PRDM16: variants seen among roughly 807,000 people sequenced by gnomAD.
PRDM16 encodes PR/SET domain 16.
In PRDM16, 23 loss-of-function variants were observed where a neutral mutation model predicts 110.6. The ratio of observed to expected loss-of-function variants is 0.21; its 90% confidence interval spans 0.15 to 0.29. PRDM16 has a LOEUF of 0.29. Ranked by LOEUF, PRDM16 falls within the 10% of genes least tolerant of loss-of-function variation. The pLI, the probability that PRDM16 is intolerant of heterozygous loss-of-function variation, is 1.00. For missense variants in PRDM16, 1,615 were observed against 1,794.3 expected (o/e 0.90, Z 1.81); for synonymous variants, 799 against 781.8 (o/e 1.02, Z -0.37).
intron 1 of PRDM16, among the ~76,000 whole-genome samples, chr1:3,099,730 G>A (rs1570247733): frequency 1.3e-5 from 2 of 152,220 alleles, no homozygotes; most frequent in Admixed American, 6.5e-5. Context: ...CCACCAGGCC[G>A]CCATGGCAGG....
At chr1:3,294,334 A>G (rs1173377605) in intron 3 of PRDM16, among the ~76,000 whole-genome samples, 1 of 152,106 alleles carries the variant, frequency 6.6e-6, no homozygotes, top group Admixed American at 6.5e-5. Context: ...GAGAAAACAG[A>G]TTGAGCCCTT....
intron 14 of PRDM16, among the ~76,000 whole-genome samples, chr1:3,428,105 T>C: frequency 6.6e-6 from 1 of 152,172 alleles, no homozygotes; most frequent in South Asian, 2.1e-4. Flanking sequence ...ACCAGGAGCG[T>C]GTGCGGAGGC....
chr1:3,172,398 C>T (rs930405016), intron 1 of PRDM16, among the ~76,000 whole-genome samples: 2 of 152,168 alleles, frequency 1.3e-5, no homozygotes, highest in African/African-American at 4.8e-5. Context: ...GGCAGTGGGG[C>T]TGCTGACAGG....
At chr1:3,238,786 G>A (rs1639596810) in intron 2 of PRDM16, among the ~76,000 whole-genome samples, 1 of 152,232 alleles carries the variant, frequency 6.6e-6, no homozygotes, top group Admixed American at 6.5e-5. Context: ...TTCCTGCCGA[G>A]GCATCCACCC....
chr1:3,273,948 C>G (rs997896504), intron 3 of PRDM16, among the ~76,000 whole-genome samples: 8 of 128,046 alleles, frequency 6.2e-5, no homozygotes, highest in Non-Finnish European at 9.6e-5. Context: ...AGGCACCGTT[C>G]TCTCACCGTG....
intron 1 of PRDM16, among the ~76,000 whole-genome samples, chr1:3,105,379 C>T (rs1053321807): frequency 6.6e-6 from 1 of 152,208 alleles, no homozygotes; most frequent in Admixed American, 6.5e-5. Context: ...AGATGGAAGG[C>T]GCTGTGCATG....
chr1:3,160,640 C>A (rs1431522479), intron 1 of PRDM16, among the ~76,000 whole-genome samples: 1 of 152,190 alleles, frequency 6.6e-6, no homozygotes. Flanking sequence ...GGGTGAGAAG[C>A]GCCATCTGGG....
At chr1:3,123,682 C>T (rs1643144233) in intron 1 of PRDM16, among the ~76,000 whole-genome samples, 1 of 152,240 alleles carries the variant, frequency 6.6e-6, no homozygotes, top group Admixed American at 6.5e-5. Context: ...AAGCTGGACT[C>T]AGGAGATGCG....
At chr1:3,343,751 C>T (rs1460142731) in intron 3 of PRDM16, among the ~76,000 whole-genome samples, 1 of 152,112 alleles carries the variant, frequency 6.6e-6, no homozygotes, top group Non-Finnish European at 1.5e-5. Context: ...CGCCATTCTC[C>T]TGCCTCAGCC....
rs1005570649 is a variant in PRDM16 at position 3,190,988 on chromosome 1, C to T, written c.387+4514C>T. ...AGCTTGGGGCCTGCTGGGGCGGGAT[C>T]CCGCAGGACCCCCAGGGGAGGCACT... is the stretch of plus-strand genomic sequence containing the variant. On this transcript the variant is annotated intron_variant, in intron 2 of 16. Coordinates refer to ENST00000270722, the MANE Select transcript of PRDM16 (RefSeq NM_022114.4). This position sits in a 1 kb window ranked among gnomAD's most constrained non-coding sequence, Gnocchi z 5.0. Among the ~76,000 whole-genome samples the T allele has an allele frequency of 1.3e-5, 2 of 152,074 alleles. No individual in the cohort carries two copies. The highest frequency in any genetic ancestry group is 4.8e-5 in the African/African-American group (2 of 41,422).
chr1:3,093,470 G>A (rs1642322438), intron 1 of PRDM16, among the ~76,000 whole-genome samples: 1 of 152,204 alleles, frequency 6.6e-6, no homozygotes, highest in Non-Finnish European at 1.5e-5. Context: ...TCCAGACTTT[G>A]GGGGCCCTGG....
At chr1:3,394,370 A>G in intron 4 of PRDM16, 1 of 410,406 alleles carries the variant, frequency 2.4e-6, no homozygotes, top group South Asian at 1.7e-5. Flanking sequence ...AGGGCCGCCC[A>G]GCCCCCGTCC....
intron 3 of PRDM16, among the ~76,000 whole-genome samples, chr1:3,335,476 C>T (rs1253871441): frequency 1.3e-5 from 2 of 152,110 alleles, no homozygotes; most frequent in African/African-American, 2.4e-5. Context: ...AAAGCGTGCT[C>T]AACAGGATTC....
intron 3 of PRDM16, among the ~76,000 whole-genome samples, chr1:3,305,164 A>C (rs144765930): frequency 1.7e-3 from 259 of 152,330 alleles, no homozygotes; most frequent in Non-Finnish European, 3.5e-3. Flanking sequence ...AGCAGCAGTG[A>C]AATGATGTGG....
rs532802855 is a variant in PRDM16 at position 3,316,739 on chromosome 1, G to C, written c.439-68413G>C. Among the ~76,000 whole-genome samples the C allele has an allele frequency of 5.6e-5, 8 of 142,664 alleles. No individual in the cohort carries two copies. The East Asian group carries it at 9.6e-4, about 17-fold the overall frequency. The allele number at this position is 142,664 out of a possible 152,430, so 93.6% of individuals were successfully genotyped here. On this transcript the variant is annotated intron_variant, in intron 3 of 16. Coordinates refer to ENST00000270722, the MANE Select transcript of PRDM16 (RefSeq NM_022114.4). ...GCCAGGAAACAGTGACACGGTGTAG[G>C]CAGGAAACAGTGACTGCAGTGACAC...
Position 3,268,068 on chromosome 1 carries a change from C to G in PRDM16, c.438+23931C>G, listed in dbSNP as rs950891937. 2.0e-5 allele frequency among the ~76,000 whole-genome samples: 3 copies of G among 152,206 alleles called. No homozygotes were observed. The East Asian group carries it at 5.8e-4, about 29-fold the overall frequency. ...GACCACGGCTCCCCGGCCCTCAAAC[C>G]ATGACCCCCGAATCTAACAGGGTGC... On this transcript the variant is annotated intron_variant, in intron 3 of 16. Transcript: ENST00000270722.
At chr1:3,373,376 G>C (rs908868981) in intron 3 of PRDM16, among the ~76,000 whole-genome samples, 1 of 152,192 alleles carries the variant, frequency 6.6e-6, no homozygotes, top group Non-Finnish European at 1.5e-5. Flanking sequence ...ACCCACATCT[G>C]GGCAAGTAGA....
intron 3 of PRDM16, among the ~76,000 whole-genome samples, chr1:3,268,792 A>AG (rs1640358918): frequency 6.6e-6 from 1 of 152,168 alleles, no homozygotes; most frequent in African/African-American, 2.4e-5. Context: ...ATATTCGAGG[A>AG]GGGCAGCCGT....
chr1:3,158,021 C>T (rs1166938243), intron 1 of PRDM16, among the ~76,000 whole-genome samples: 1 of 152,098 alleles, frequency 6.6e-6, no homozygotes, highest in Non-Finnish European at 1.5e-5. Context: ...GAAAACCTTG[C>T]CTCTCCTCAT....
Sources: allele counts gnomAD v4.1 joint callset (sites outside exome capture counted in the v4.1 genomes callset), GRCh38; gene constraint gnomAD v4.1.1; non-coding constraint Gnocchi (gnomAD v3.1); transcripts MANE v1.5; gene names NCBI Gene and HGNC (gene_info 2026-07-23, HGNC 2026-07-21).